OSBPL3: variants seen among roughly 807,000 people sequenced by gnomAD.
OSBPL3 encodes oxysterol binding protein like 3.
A neutral mutation model predicts 120.1 loss-of-function variants in OSBPL3; 65 were observed. The ratio of observed to expected loss-of-function variants is 0.54; its 90% CI spans 0.44 to 0.67. The LOEUF is 0.67. OSBPL3 is among the 30% of genes least tolerant of loss of function. The pLI is 0.00. For synonymous variants in OSBPL3, 416 were observed against 402.6 expected (o/e 1.03, Z -0.40); for missense variants, 1,004 against 1,082.1 (o/e 0.93, Z 1.01).
intron 1 of OSBPL3, chr7:24,906,610 A>G (rs1807966939): frequency 6.5e-6 from 1 of 154,772 alleles, no homozygotes; most frequent in South Asian, 2.0e-4. Context: ...TCTCCAGGCC[A>G]TTGGCCACTC....
chr7:24,860,159 C>T (rs1800326039), intron 10 of OSBPL3, among the ~76,000 whole-genome samples: 1 of 152,212 alleles, frequency 6.6e-6, no homozygotes, highest in South Asian at 2.1e-4. Context: ...CACATGTCCA[C>T]ATTCCTGTAA....
chr7:24,936,219 GAGTA>G lies in OSBPL3; in HGVS notation c.-149-43602_-149-43599del, dbSNP rs1353084940. Among the ~76,000 whole-genome samples, 5 of 152,148 alleles carry G rather than the reference GAGTA, an allele frequency of 3.3e-5. No homozygotes were observed. The highest frequency in any genetic ancestry group is 7.4e-5 in the Non-Finnish European group (5 of 68,026). On this transcript the variant is annotated intron_variant, in intron 1 of 22. Transcript: ENST00000313367. This position sits in a 1 kb window ranked among gnomAD's most constrained non-coding sequence, Gnocchi z 4.2. ...AAAGTTCTTCCCCATGAAGCTGAGT[GAGTA>G]AGTAAGAACATATGCGAATATTTCA...
intron 1 of OSBPL3, among the ~76,000 whole-genome samples, chr7:24,935,932 T>C (rs1812357203): frequency 6.6e-6 from 1 of 152,146 alleles, no homozygotes; most frequent in Non-Finnish European, 1.5e-5. Flanking sequence ...GTGCACAATG[T>C]GCAGGTTAGT....
At chr7:24,948,244 G>T (rs1421045021) in intron 1 of OSBPL3, among the ~76,000 whole-genome samples, 1 of 152,234 alleles carries the variant, frequency 6.6e-6, no homozygotes, top group Non-Finnish European at 1.5e-5. Context: ...TTGAAGCATT[G>T]TTGTACAGAA....
intron 5 of OSBPL3, among the ~76,000 whole-genome samples, chr7:24,868,615 G>C (rs893699135): frequency 2.6e-5 from 4 of 152,166 alleles, no homozygotes; most frequent in Non-Finnish European, 5.9e-5. Flanking sequence ...GAACTGTTAG[G>C]TTGGCTCTGG....
intron 16 of OSBPL3, among the ~76,000 whole-genome samples, chr7:24,825,506 G>A (rs964240369): frequency 6.6e-5 from 10 of 152,178 alleles, no homozygotes; most frequent in African/African-American, 9.7e-5. Context: ...CACATTAAGT[G>A]CTGACTTGAC....
Position 24,900,189 on chromosome 7 carries a change from C to A in OSBPL3, c.-149-7568G>T, listed in dbSNP as rs1806785688. Among the ~76,000 whole-genome samples, 1 of 152,228 alleles carries A rather than the reference C, an allele frequency of 6.6e-6. No homozygotes were observed. The highest frequency in any genetic ancestry group is 1.5e-5 in the Non-Finnish European group (1 of 68,032). On this transcript the variant is annotated intron_variant, in intron 1 of 22. Coordinates refer to ENST00000313367, the MANE Select transcript of OSBPL3 (RefSeq NM_015550.4). The surrounding 1 kb of genome is among the most constrained non-coding windows in gnomAD (Gnocchi z 4.5). ...GGAACTGAGAGGGGGACCCTGGGAT[C>A]TGTTTTTCACAAGTTCTCCAGGTGA...
At chr7:24,961,013 C>G (rs1036709923) in intron 1 of OSBPL3, among the ~76,000 whole-genome samples, 1 of 151,922 alleles carries the variant, frequency 6.6e-6, no homozygotes, top group South Asian at 2.1e-4. Context: ...AATTAAACTT[C>G]GAAATAATTT....
At chr7:24,889,476 G>C (rs184970432) in intron 2 of OSBPL3, among the ~76,000 whole-genome samples, 1 of 152,180 alleles carries the variant, frequency 6.6e-6, no homozygotes, top group African/African-American at 2.4e-5. Flanking sequence ...TAACTATGGG[G>C]GGTGATGGGT....
At chr7:24,853,029 C>T (rs984160560) in intron 10 of OSBPL3, among the ~76,000 whole-genome samples, 4 of 152,228 alleles carry the variant, frequency 2.6e-5, no homozygotes, top group Non-Finnish European at 5.9e-5. Context: ...CATTCACACA[C>T]ATCTGGCAAT....
rs979626515 is a variant in OSBPL3, at chr7:24,812,447, T to TCAGCTCAGGCCAGTCCAGCC, written c.2173-2516_2173-2497dup. 1.8e-4 allele frequency among the ~76,000 whole-genome samples: 28 copies of TCAGCTCAGGCCAGTCCAGCC among 152,024 alleles called. No individual in the cohort carries two copies. The East Asian group carries it at 4.2e-3, about 23-fold the overall frequency. On this transcript the variant is annotated intron_variant, in intron 19 of 22. Transcript: ENST00000313367. ...TGCACTCTATTCTGCTCAGTTCAGC[T>TCAGCTCAGGCCAGTCCAGCC]CAGCTCAGGCCAGTCCAGCCCAGCT...
Position 24,936,731 on chromosome 7 carries a change from G to A in OSBPL3, c.-150+43155C>T, listed in dbSNP as rs961725918. Reference sequence around the variant, plus strand: ...ATGTAGAAGTTAGGGAAGATGTGAAGGGATATGATTCTGGAAACAATCGTG... The same window carrying A: ...ATGTAGAAGTTAGGGAAGATGTGAAAGGATATGATTCTGGAAACAATCGTG... On this transcript the variant is annotated intron_variant, in intron 1 of 22. Transcript: ENST00000313367. The surrounding 1 kb of genome is among the most constrained non-coding windows in gnomAD (Gnocchi z 4.2). Among the ~76,000 whole-genome samples the A allele has an allele frequency of 2.6e-5, 4 of 152,166 alleles. No homozygotes were observed. Among genetic ancestry groups the A allele is most frequent in the African/African-American group, 9.7e-5 (4 of 41,442 alleles).
At chr7:24,832,509 C>T (rs1239654922) in intron 15 of OSBPL3, among the ~76,000 whole-genome samples, 4 of 96,688 alleles carry the variant, frequency 4.1e-5, no homozygotes, top group African/African-American at 1.1e-4. Flanking sequence ...GACTCTGCCT[C>T]AAAGAAAAAA....
chr7:24,815,958 T>A lies in OSBPL3; in HGVS notation c.2027+652A>T, dbSNP rs1794414633. Among the ~76,000 whole-genome samples the A allele has an allele frequency of 6.6e-6, 1 of 152,136 alleles. No individual in the cohort carries two copies. The highest frequency in any genetic ancestry group is 2.4e-5 in the African/African-American group (1 of 41,420). ...TATAAATAAGTATCAATCATCCCTATCAGATCAAGGCCATACTTTTCTTAA... is the reference window on the plus strand; with the variant it reads ...TATAAATAAGTATCAATCATCCCTAACAGATCAAGGCCATACTTTTCTTAA... On this transcript the variant is annotated intron_variant, in intron 18 of 22. Transcript: ENST00000313367. This position sits in a 1 kb window ranked among gnomAD's most constrained non-coding sequence, Gnocchi z 5.1.
intron 10 of OSBPL3, among the ~76,000 whole-genome samples, chr7:24,858,795 T>C (rs928930439): frequency 6.6e-6 from 1 of 152,192 alleles, no homozygotes; most frequent in African/African-American, 2.4e-5. Flanking sequence ...GATCAATGGA[T>C]CCACTCAGTA....
rs2128376096 is a variant in OSBPL3 at position 24,900,699 on chromosome 7, G to A, written c.-149-8078C>T. ...ACAGAGTTGGCTGGCCAGGCGTGGT[G>A]GCTCATGCCTGTAATCCCAGCACTT... On this transcript the variant is annotated intron_variant, in intron 1 of 22. Transcript: ENST00000313367. This position sits in a 1 kb window ranked among gnomAD's most constrained non-coding sequence, Gnocchi z 4.5. Among the ~76,000 whole-genome samples, 1 of 152,290 alleles carries A rather than the reference G, an allele frequency of 6.6e-6. No homozygotes were observed. Among genetic ancestry groups the A allele is most frequent in the African/African-American group, 2.4e-5 (1 of 41,552 alleles).
intron 1 of OSBPL3, among the ~76,000 whole-genome samples, chr7:24,948,349 T>C (rs970601313): frequency 6.6e-6 from 1 of 152,054 alleles, no homozygotes; most frequent in African/African-American, 2.4e-5. Context: ...GGTAGACCTA[T>C]GGCTTACAGG....
rs1380737149 is a variant in OSBPL3 at position 24,883,581 on chromosome 7, A to G, written c.96+8796T>C. Reference sequence around the variant, plus strand: ...CATGAATAAATATATTTATTTTCTTAAGGCATCCCATGCAGTTTTCATCAA... The same window carrying G: ...CATGAATAAATATATTTATTTTCTTGAGGCATCCCATGCAGTTTTCATCAA... On this transcript the variant is annotated intron_variant, in intron 2 of 22. Coordinates refer to ENST00000313367, the MANE Select transcript of OSBPL3 (RefSeq NM_015550.4). This position sits in a 1 kb window ranked among gnomAD's most constrained non-coding sequence, Gnocchi z 5.4. Among the ~76,000 whole-genome samples the G allele has an allele frequency of 6.6e-6, 1 of 152,164 alleles. No individual in the cohort carries two copies. Among genetic ancestry groups the G allele is most frequent in the Non-Finnish European group, 1.5e-5 (1 of 68,026 alleles).
Position 24,883,604 on chromosome 7 carries a change from C to T in OSBPL3, c.96+8773G>A, listed in dbSNP as rs1804039194. ...TTAAGGCATCCCATGCAGTTTTCAT[C>T]AAAGTAATATTTCTAAATCTCACCC... On this transcript the variant is annotated intron_variant, in intron 2 of 22. Transcript: ENST00000313367. This position sits in a 1 kb window ranked among gnomAD's most constrained non-coding sequence, Gnocchi z 5.4. Among the ~76,000 whole-genome samples, 2 of 152,108 alleles carry T rather than the reference C, an allele frequency of 1.3e-5. No individual in the cohort carries two copies. Among genetic ancestry groups the T allele is most frequent in the African/African-American group, 4.8e-5 (2 of 41,432 alleles).
Sources: gnomAD v4.1 joint callset for allele counts (sites outside exome capture counted in the v4.1 genomes callset) on GRCh38, gnomAD v4.1.1 for gene constraint, Gnocchi (gnomAD v3.1) non-coding constraint, MANE v1.5 for transcripts, NCBI Gene and HGNC (gene_info 2026-07-23, HGNC 2026-07-21) for gene names.